Variants in DLG2 observed in about 807,000 individuals in gnomAD.
DLG2 encodes the protein discs large MAGUK scaffold protein 2.
Under a neutral mutation model 132.5 loss-of-function variants are expected in DLG2, and 45 were observed. That is an observed-to-expected ratio of 0.34 (90% CI 0.27 to 0.44). The LOEUF (loss-of-function observed/expected upper bound fraction) is 0.44, where lower values mean the gene tolerates loss of function less well. Ranked by LOEUF, DLG2 falls within the 20% of genes least tolerant of loss-of-function variation. DLG2 has a pLI of 1.00. For synonymous variants in DLG2, 424 were observed against 419.6 expected, an observed-to-expected ratio of 1.01 and a Z score of -0.13; for missense variants, 1,045 against 1,196.9, an observed-to-expected ratio of 0.87 and a Z score of 1.87.
chr11:85,184,244 C>G (rs1202174567), intron 4 of DLG2, among the ~76,000 whole-genome samples: 1 of 151,646 alleles, frequency 6.6e-6, no homozygotes, highest in African/African-American at 2.4e-5. Context: ...ATAGAGAAAA[C>G]AGTAGGAGTT....
intron 16 of DLG2, among the ~76,000 whole-genome samples, chr11:83,852,099 A>C (rs573001902): frequency 1.3e-5 from 2 of 152,144 alleles, no homozygotes; most frequent in Admixed American, 1.3e-4. Context: ...TTTCAGAGGG[A>C]CCAGGGCCTG....
At position 84,117,400 on chromosome 11, in the gene DLG2, G is replaced by A. The variant is rs570994528; in HGVS notation, c.625-18353C>T. ...CAACTAATTTAAAATGAATGAAAAG[G>A]AACTAAGTGGGAGACTTGGTTTTCT... On this transcript the variant is annotated intron_variant, in intron 9 of 27. Coordinates refer to ENST00000376104, the MANE Select transcript of DLG2 (RefSeq NM_001142699.3). Among the ~76,000 whole-genome samples the A allele has an allele frequency of 7.9e-4, 121 of 152,276 alleles. 1 individual carries two copies. The Middle Eastern group carries it at 0.014, about 17-fold the overall frequency.
chr11:85,549,734 A>G (rs1198360252), intron 3 of DLG2, among the ~76,000 whole-genome samples: 1 of 152,222 alleles, frequency 6.6e-6, no homozygotes, highest in Non-Finnish European at 1.5e-5. Context: ...AAAACCCACC[A>G]AAATCAAGAT....
At chr11:83,929,492 G>C (rs746724144) in intron 15 of DLG2, among the ~76,000 whole-genome samples, 1 of 152,108 alleles carries the variant, frequency 6.6e-6, no homozygotes, top group African/African-American at 2.4e-5. Context: ...GAAAAGAGGA[G>C]GTCTTTTTTG....
chr11:84,565,673 A>G (rs1182766236), intron 6 of DLG2, among the ~76,000 whole-genome samples: 1 of 152,234 alleles, frequency 6.6e-6, no homozygotes, highest in Admixed American at 6.5e-5. Flanking sequence ...CCTCAAATTT[A>G]TATTGGAGAT....
At chr11:85,183,989 G>A (rs476791) in intron 4 of DLG2, among the ~76,000 whole-genome samples, 137,767 of 151,990 alleles carry the variant, frequency 0.91, 63,225 homozygotes, top group African/African-American at 0.98. Context: ...TTTCCTTTCT[G>A]TTTTACATAT....
At chr11:84,094,813 T>G (rs569014842) in intron 10 of DLG2, among the ~76,000 whole-genome samples, 1 of 152,292 alleles carries the variant, frequency 6.6e-6, no homozygotes, top group Non-Finnish European at 1.5e-5. Flanking sequence ...ATACAAATAT[T>G]AAGGCCATAG....
chr11:85,303,685 G>A (rs1285157030), intron 3 of DLG2, among the ~76,000 whole-genome samples: 1 of 152,076 alleles, frequency 6.6e-6, no homozygotes, highest in Non-Finnish European at 1.5e-5. Flanking sequence ...TATGCAGTAT[G>A]GGGTGCTAGA....
At chr11:84,057,919 C>T (rs2096530302) in intron 11 of DLG2, among the ~76,000 whole-genome samples, 1 of 152,140 alleles carries the variant, frequency 6.6e-6, no homozygotes, top group Non-Finnish European at 1.5e-5. Flanking sequence ...GTAGAGTCTG[C>T]ATCTTAACCA....
chr11:83,481,776 G>A (rs1185777462), intron 22 of DLG2, among the ~76,000 whole-genome samples: 2 of 152,118 alleles, frequency 1.3e-5, no homozygotes, highest in Non-Finnish European at 2.9e-5. Flanking sequence ...ATTTCATGGA[G>A]ATTATTATCT....
intron 7 of DLG2, among the ~76,000 whole-genome samples, chr11:84,530,922 A>G (rs1475905575): frequency 1.3e-5 from 2 of 152,128 alleles, no homozygotes. Context: ...GTACATATAC[A>G]CTACAAAATA....
At chr11:83,957,737 T>C (rs2087284259) in intron 14 of DLG2, among the ~76,000 whole-genome samples, 1 of 152,176 alleles carries the variant, frequency 6.6e-6, no homozygotes, top group East Asian at 1.9e-4. Flanking sequence ...CATCTCTTTC[T>C]GGCCAAACTG....
At chr11:84,444,596 T>C (rs1190654570) in intron 7 of DLG2, among the ~76,000 whole-genome samples, 1 of 152,156 alleles carries the variant, frequency 6.6e-6, no homozygotes, top group Non-Finnish European at 1.5e-5. Flanking sequence ...TGTATGTGCA[T>C]ATAATTGTTT....
At chr11:84,560,501 T>C (rs947442716) in intron 6 of DLG2, among the ~76,000 whole-genome samples, 3 of 152,112 alleles carry the variant, frequency 2.0e-5, no homozygotes, top group Non-Finnish European at 2.9e-5. Flanking sequence ...CTTTGGAAAG[T>C]AATGAATTCT....
intron 7 of DLG2, among the ~76,000 whole-genome samples, chr11:84,441,019 T>G (rs1294548914): frequency 6.6e-6 from 1 of 152,136 alleles, no homozygotes; most frequent in Non-Finnish European, 1.5e-5. Context: ...AAATAACTAT[T>G]GAGACATAAG....
At chr11:84,912,669 G>C (rs937436264) in intron 6 of DLG2, among the ~76,000 whole-genome samples, 2 of 152,206 alleles carry the variant, frequency 1.3e-5, no homozygotes, top group East Asian at 3.8e-4. Flanking sequence ...TTCAACCCAG[G>C]CTTTCTACCA....
intron 7 of DLG2, among the ~76,000 whole-genome samples, chr11:84,253,137 ACT>A (rs1164797726): frequency 1.3e-5 from 2 of 152,046 alleles, no homozygotes; most frequent in Non-Finnish European, 2.9e-5. Context: ...GTAAATAAAG[ACT>A]CTGGAGAAAG....
chr11:84,138,969 A>T (rs2094720741), intron 9 of DLG2, among the ~76,000 whole-genome samples: 1 of 150,250 alleles, frequency 6.7e-6, no homozygotes, highest in African/African-American at 2.5e-5. Flanking sequence ...AAAAAAAAAA[A>T]ATTCACTTTA....
chr11:85,442,440 G>C lies in DLG2; in HGVS notation c.40+156217C>G, dbSNP rs531443947. 3.9e-4 allele frequency among the ~76,000 whole-genome samples: 60 copies of C among 152,254 alleles called. 1 individual carries two copies. The South Asian group carries it at 0.012, about 32-fold the overall frequency. ...TGAGACTTGATGATAGATTAGACGCGGGGATGAAAAGAAAGTGGAATCAAA... is the reference window on the plus strand; with the variant it reads ...TGAGACTTGATGATAGATTAGACGCCGGGATGAAAAGAAAGTGGAATCAAA... On this transcript the variant is annotated intron_variant, in intron 3 of 27. Transcript: ENST00000376104.
Sources: allele counts gnomAD v4.1 joint callset (sites outside exome capture counted in the v4.1 genomes callset), GRCh38; gene constraint gnomAD v4.1.1; transcripts MANE v1.5; gene names NCBI Gene and HGNC (gene_info 2026-07-23, HGNC 2026-07-21).